The following PLBD1 variants were observed in gnomAD, a reference collection of about 807,000 sequenced individuals.
PLBD1 encodes the protein phospholipase B domain containing 1.
In PLBD1, 60 loss-of-function variants were observed where a neutral mutation model predicts 63.0. The ratio of observed to expected loss-of-function variants is 0.95; its 90% CI spans 0.77 to 1.18. PLBD1 has a LOEUF of 1.18. Ranked by LOEUF, PLBD1 falls within the 50% of genes most tolerant of loss-of-function variation. The probability of loss-of-function intolerance (pLI) is 0.00; values close to 1 mark genes in which losing one functional copy is unlikely to be tolerated. For synonymous variants in PLBD1, 262 were observed against 248.0 expected, an observed-to-expected ratio of 1.06 and a Z score of -0.53; for missense variants, 598 against 677.9, an observed-to-expected ratio of 0.88 and a Z score of 1.31.
chr12:14,558,965 G>GT (rs1945727427), intron 1 of PLBD1, among the ~76,000 whole-genome samples: 1 of 152,130 alleles, frequency 6.6e-6, no homozygotes, highest in Admixed American at 6.5e-5. Context: ...CAAAATCAGA[G>GT]TTTTCACTCC....
At chr12:14,540,297 T>C (rs1945561543) in intron 4 of PLBD1, among the ~76,000 whole-genome samples, 1 of 151,534 alleles carries the variant, frequency 6.6e-6, no homozygotes, top group African/African-American at 2.4e-5. Context: ...TGGAAGTACA[T>C]CAAATGGTAC....
chr12:14,517,055 C>T (rs1310679790), intron 6 of PLBD1, among the ~76,000 whole-genome samples: 1 of 152,074 alleles, frequency 6.6e-6, no homozygotes, highest in East Asian at 1.9e-4. Flanking sequence ...AAAAAAAGTC[C>T]TTTAAATAGG....
intron 3 of PLBD1, among the ~76,000 whole-genome samples, chr12:14,541,228 A>G (rs1009587738): frequency 3.3e-5 from 5 of 152,218 alleles, no homozygotes; most frequent in African/African-American, 1.2e-4. Context: ...TAAAACCACA[A>G]TGTTTCACAA....
intron 6 of PLBD1, among the ~76,000 whole-genome samples, chr12:14,533,748 TAAAACAACTAAGC>T (rs1199668265): frequency 2.6e-5 from 4 of 152,180 alleles, no homozygotes; most frequent in Admixed American, 6.5e-5. Context: ...CCCTCAATGC[TAAAACAACTAAGC>T]AAACTAAGAC....
At chr12:14,549,712 A>G (rs1304554643) in intron 2 of PLBD1, among the ~76,000 whole-genome samples, 1 of 152,010 alleles carries the variant, frequency 6.6e-6, no homozygotes, top group Non-Finnish European at 1.5e-5. Context: ...CTTGTTGCCC[A>G]GGCTGGAGTG....
intron 6 of PLBD1, among the ~76,000 whole-genome samples, chr12:14,527,545 AAAAAAC>A (rs1397279091): frequency 6.6e-6 from 1 of 152,230 alleles, no homozygotes; most frequent in Non-Finnish European, 1.5e-5. Context: ...GTAAGGTGAA[AAAAAAC>A]AAAAACAAAA....
intron 1 of PLBD1, among the ~76,000 whole-genome samples, chr12:14,555,525 C>T (rs900552328): frequency 2.6e-5 from 4 of 152,060 alleles, no homozygotes; most frequent in East Asian, 1.9e-4. Flanking sequence ...CAAAAAAGTG[C>T]GAAACTCTGT....
At chr12:14,512,775 C>T (rs369548537) in intron 6 of PLBD1, among the ~76,000 whole-genome samples, 22 of 152,264 alleles carry the variant, frequency 1.4e-4, no homozygotes, top group African/African-American at 4.3e-4. Context: ...TAAGTTCCTT[C>T]GGTGCATCCT....
chr12:14,566,597 G>T (rs563964770), intron 1 of PLBD1, among the ~76,000 whole-genome samples: 14 of 151,944 alleles, frequency 9.2e-5, no homozygotes, highest in African/African-American at 2.9e-4. Flanking sequence ...TTTAATTTTG[G>T]CAAAGGATGT....
In PLBD1 at chr12:14,567,620, G is replaced by GCAGCA. The variant is rs1565583636; in HGVS notation, c.76_77insTGCTG (p.Pro26LeufsTer6). The GCAGCA allele has an allele frequency of 1.8e-5, 27 of 1,478,894 alleles. No individual in the cohort carries two copies. The highest frequency in any genetic ancestry group is 6.3e-5 in the South Asian group (5 of 78,862). The allele number at this position is 1,478,894 out of a possible 1,614,324, so 91.6% of individuals were successfully genotyped here. A position where few individuals can be genotyped will look rare whatever the true frequency, so the allele number is the denominator to read the frequency against. On this transcript the variant is annotated frameshift_variant, in exon 1 of 11. Transcript: ENST00000240617. LOFTEE classifies it high-confidence loss of function. ...CGGCTCCGCGGTGACTAACAACAGC[G>GCAGCA]GCAGCAGCAGCAGCAGCAGCAGAAG...
chr12:14,516,130 A>G (rs1357035715), intron 6 of PLBD1, among the ~76,000 whole-genome samples: 2 of 152,070 alleles, frequency 1.3e-5, no homozygotes, highest in Non-Finnish European at 2.9e-5. Flanking sequence ...GGAGTTTGAG[A>G]CCAGCCTGAC....
chr12:14,550,814 G>T (rs113418899), intron 2 of PLBD1, among the ~76,000 whole-genome samples: 24,256 of 151,510 alleles, frequency 0.16, 2,053 homozygotes, highest in Non-Finnish European at 0.19. Flanking sequence ...GGAGGCGGAG[G>T]TTGCAGTGAA....
intron 2 of PLBD1, among the ~76,000 whole-genome samples, chr12:14,552,053 A>G (rs1034815190): frequency 1.3e-4 from 20 of 152,254 alleles, no homozygotes; most frequent in African/African-American, 4.3e-4. Context: ...TCAGAGCTCA[A>G]TAACTAGTCA....
chr12:14,558,653 A>T (rs988540603), intron 1 of PLBD1, among the ~76,000 whole-genome samples: 10 of 152,130 alleles, frequency 6.6e-5, no homozygotes, highest in Non-Finnish European at 1.3e-4. Flanking sequence ...CTTCTTCTCC[A>T]AAACCTTGGC....
intron 6 of PLBD1, among the ~76,000 whole-genome samples, chr12:14,522,646 AAGAAAAATCACTCACC>A (rs1945386126): frequency 6.6e-6 from 1 of 152,154 alleles, no homozygotes; most frequent in Non-Finnish European, 1.5e-5. Flanking sequence ...ACAGCACATT[AAGAAAAATCACTCACC>A]ATAATAAATG....
intron 5 of PLBD1, 74 bp downstream of exon 5, chr12:14,536,496 T>C (rs1945515429): frequency 6.6e-7 from 1 of 1,513,558 alleles, no homozygotes; most frequent in South Asian, 1.2e-5. Context: ...TGATGAGATG[T>C]TGCTATACTT....
intron 4 of PLBD1, 117 bp from the exon 5 acceptor site, chr12:14,536,827 G>A (rs1384543854): frequency 3.7e-6 from 5 of 1,350,506 alleles, no homozygotes; most frequent in East Asian, 2.3e-5. Flanking sequence ...GGTGGCTCAC[G>A]CCTGTAATCC....
chr12:14,526,820 A>C (rs1945418651), intron 6 of PLBD1, among the ~76,000 whole-genome samples: 1 of 151,978 alleles, frequency 6.6e-6, no homozygotes, highest in Non-Finnish European at 1.5e-5. Context: ...TAAAAATACA[A>C]AATTGGCCGG....
At chr12:14,513,788 T>TG (rs1945317852) in intron 6 of PLBD1, among the ~76,000 whole-genome samples, 1 of 151,924 alleles carries the variant, frequency 6.6e-6, no homozygotes, top group African/African-American at 2.4e-5. Flanking sequence ...TAGTTTTTTT[T>TG]TTTTTTTTTG....
Sources: gnomAD v4.1 joint callset for allele counts (sites outside exome capture counted in the v4.1 genomes callset) on GRCh38, gnomAD v4.1.1 for gene constraint, MANE v1.5 for transcripts, NCBI Gene and HGNC (gene_info 2026-07-23, HGNC 2026-07-21) for gene names.